The following RTCB variants were observed in gnomAD, a reference collection of about 807,000 sequenced individuals.
The protein encoded by RTCB is RNA-splicing ligase RTCB.
In RTCB, 32 loss-of-function variants were observed where a neutral mutation model predicts 58.2. The observed-to-expected ratio is 0.55, with a 90% CI of 0.41 to 0.74. The LOEUF (loss-of-function observed/expected upper bound fraction) is 0.74. Ranked by LOEUF, RTCB falls within the 30% of genes least tolerant of loss-of-function variation. RTCB has a pLI of 0.00. For missense variants in RTCB, 523 were observed against 639.0 expected (o/e 0.82, Z 1.96); for synonymous variants, 247 against 218.6 (o/e 1.13, Z -1.15).
At chr22:32,403,035 G>A (rs1215002351) in intron 4 of RTCB, among the ~76,000 whole-genome samples, 1 of 151,572 alleles carries the variant, frequency 6.6e-6, no homozygotes, top group South Asian at 2.1e-4. Context: ...ATGAGCCACC[G>A]CATCCAGCCT....
In RTCB at chr22:32,399,686, C is replaced by G. The variant is rs1335962461; in HGVS notation, c.571G>C (p.Glu191Gln). The change falls in exon 6 of 12, where the codon GAG becomes CAG. Residue 191 changes from glutamate (E) to glutamine (Q), a missense_variant. By Grantham distance (29) the Glu-to-Gln change is conservative (BLOSUM62 2). Coordinates refer to ENST00000216038, the MANE Select transcript of RTCB (RefSeq NM_014306.5). ...REGYAWAEDK[E>Q]HCEEYGRMLQ... ...ATCCTTCCGTACTCCTCGCAGTGCT[C>G]CTTGTCTTCAGCCCAGGCATACCCT... 13 of 1,614,012 alleles carry G rather than the reference C, an allele frequency of 8.1e-6. No individual in the cohort carries two copies. Among genetic ancestry groups the G allele is most frequent in the Non-Finnish European group, 1.1e-5 (13 of 1,180,012 alleles).
rs989786824 is a variant in RTCB, at chr22:32,387,744, G to A, written c.*248C>T. ...CTAACAGATTTTCCTAAAACTCTGT[G>A]GAACAACCAAGGAGAAGGCATATTC... On this transcript the variant is annotated 3_prime_UTR_variant, in exon 12 of 12. Coordinates refer to ENST00000216038, the MANE Select transcript of RTCB (RefSeq NM_014306.5). The A allele has an allele frequency of 4.8e-6, 2 of 420,866 alleles. No homozygotes were observed. The highest frequency in any genetic ancestry group is 4.2e-5 in the East Asian group (1 of 23,548). The allele number at this position is 420,866 out of a possible 1,614,324, so 26.1% of individuals were successfully genotyped here. A position where few individuals can be genotyped will look rare whatever the true frequency, so the allele number is the denominator to read the frequency against.
chr22:32,397,823 T>A (rs1933270970), intron 7 of RTCB, 118 bp downstream of exon 7: 2 of 868,568 alleles, frequency 2.3e-6, no homozygotes, highest in African/African-American at 3.4e-5. Flanking sequence ...TTGTCCAAGT[T>A]ATTTAATTGT....
intron 7 of RTCB, 111 bp downstream of exon 7, chr22:32,397,830 T>C (rs531232451): frequency 1.3e-5 from 12 of 947,090 alleles, no homozygotes; most frequent in South Asian, 2.2e-5. Context: ...AGTTATTTAA[T>C]TGTTGAGGAC....
chr22:32,391,483 C>T (rs933214365), intron 11 of RTCB, among the ~76,000 whole-genome samples: 1 of 151,016 alleles, frequency 6.6e-6, no homozygotes, highest in Non-Finnish European at 1.5e-5. Flanking sequence ...GCAACCTCTG[C>T]CTCCCGGATT....
chr22:32,407,966 A>C (rs2076042), intron 3 of RTCB: 195,545 of 570,880 alleles, frequency 0.34, 34,525 homozygotes, highest in South Asian at 0.37. Flanking sequence ...TGTTGCCCAG[A>C]CTAGTCTTGA....
At chr22:32,393,427 G>A (rs182386939) in intron 10 of RTCB, among the ~76,000 whole-genome samples, 1 of 152,156 alleles carries the variant, frequency 6.6e-6, no homozygotes, top group Non-Finnish European at 1.5e-5. Context: ...GCAGTGTTTT[G>A]AAATGGGTGT....
Position 32,393,953 on chromosome 22 carries a change from T to C in RTCB, c.1229A>G (p.Tyr410Cys). The change falls in exon 10 of 12, where the codon TAT becomes TGT. Residue 410 changes from tyrosine (Y) to cysteine (C), a missense_variant. Tyr to Cys is a radical substitution (Grantham distance 194). Around this residue, in one of 3 missense-constraint regions of RTCB, gnomAD observed 248 missense variants for 292.5 expected, o/e 0.85. Transcript: ENST00000216038. ...LIGGTMGTCS[Y>C]VLTGTEQGMT... ...GCCCTGTTCAGTGCCAGTAAGAACA[T>C]AACTACAGGTTCCCATGGTGCCACC... 1 of 1,614,184 alleles carries C rather than the reference T, an allele frequency of 6.2e-7. No individual in the cohort carries two copies. The highest frequency in any genetic ancestry group is 1.7e-5 in the Admixed American group (1 of 60,006).
intron 4 of RTCB, among the ~76,000 whole-genome samples, chr22:32,405,814 A>G (rs895098708): frequency 5.3e-5 from 8 of 152,216 alleles, no homozygotes; most frequent in Non-Finnish European, 5.9e-5. Flanking sequence ...TTTAAACTTC[A>G]TTTCTAAATT....
At chr22:32,392,530 T>C (rs1456846710) in intron 10 of RTCB, 171 bp from the exon 11 acceptor site, 2 of 878,330 alleles carry the variant, frequency 2.3e-6, no homozygotes, top group Non-Finnish European at 3.6e-6. Flanking sequence ...ACCGGAGAAT[T>C]CTTTGTTGGG....
chr22:32,390,211 C>T (rs1314170157), intron 11 of RTCB, among the ~76,000 whole-genome samples: 1 of 152,172 alleles, frequency 6.6e-6, no homozygotes, highest in Non-Finnish European at 1.5e-5. Flanking sequence ...ATTTGGAAAG[C>T]TCCACAACGA....
In RTCB at chr22:32,393,934, T is replaced by C. The variant is rs760170995; in HGVS notation, c.1248A>G (p.Glu416=). Residue 416 remains glutamate (E), a synonymous_variant, in exon 10 of 12, where the codon GAA becomes GAG. Transcript: ENST00000216038. ...GTCSYVLTGT[E]QGMTETFGTT... ...TTCCAAAGGTCTCAGTCATGCCCTG[T>C]TCAGTGCCAGTAAGAACATAACTAC... is the stretch of plus-strand genomic sequence containing the variant. 14 of 1,614,168 alleles carry C rather than the reference T, an allele frequency of 8.7e-6. No homozygotes were observed. Among genetic ancestry groups the C allele is most frequent in the Non-Finnish European group, 1.0e-5 (12 of 1,179,984 alleles).
chr22:32,407,166 A>G (rs1304860027), intron 3 of RTCB: 3 of 178,738 alleles, frequency 1.7e-5, no homozygotes, highest in African/African-American at 4.8e-5. Context: ...TCACAGCCAA[A>G]TGTAATCCAT....
chr22:32,409,647 T>C (rs911719152), intron 1 of RTCB, among the ~76,000 whole-genome samples: 2 of 152,174 alleles, frequency 1.3e-5, no homozygotes, highest in South Asian at 2.1e-4. Context: ...TAATACCCAC[T>C]GATGGAAAAT....
Position 32,387,830 on chromosome 22 carries a change from C to T in RTCB, c.*162G>A, listed in dbSNP as rs375644105. On this transcript the variant is annotated 3_prime_UTR_variant, in exon 12 of 12. Coordinates refer to ENST00000216038, the MANE Select transcript of RTCB (RefSeq NM_014306.5). ...GGAAGGTTATTTTACAAGCACGGGCCCCTGAAAGCAGCAGCCTCCCCATCA... is the reference window on the plus strand; with the variant it reads ...GGAAGGTTATTTTACAAGCACGGGCTCCTGAAAGCAGCAGCCTCCCCATCA... 2.7e-4 allele frequency: 154 copies of T among 562,490 alleles called. 1 individual carries two copies. The highest frequency in any genetic ancestry group is 2.5e-3 in the African/African-American group (134 of 53,616). 34.8% of individuals were successfully genotyped at this position (562,490 alleles called of 1,614,324 possible).
chr22:32,392,896 G>A (rs1184287584), intron 10 of RTCB, among the ~76,000 whole-genome samples: 4 of 152,156 alleles, frequency 2.6e-5, no homozygotes, highest in Admixed American at 6.5e-5. Context: ...GGCAAACTAC[G>A]GTGTATGGGC....
rs549559810 is a variant in RTCB, at chr22:32,404,854, T to TA, written c.340+1807dup. On this transcript the variant is annotated intron_variant, in intron 4 of 11. Coordinates refer to ENST00000216038, the MANE Select transcript of RTCB (RefSeq NM_014306.5). ...GCCCCCATGCCCGGCTAATTTTTTGTATTTTTTTTTTTTTAGAGACGGGGT... is the reference window on the plus strand; with the variant it reads ...GCCCCCATGCCCGGCTAATTTTTTGTAATTTTTTTTTTTTTAGAGACGGGGT... 4.2e-3 allele frequency among the ~76,000 whole-genome samples: 621 copies of TA among 149,346 alleles called. 2 individuals are homozygous for TA. The highest frequency in any genetic ancestry group is 0.015 in the African/African-American group (594 of 39,078).
chr22:32,408,287 T>G (rs773482744), intron 2 of RTCB, 45 bp from the exon 3 acceptor site: 1 of 1,484,800 alleles, frequency 6.7e-7, no homozygotes, highest in African/African-American at 1.4e-5. Flanking sequence ...ACACTTGATT[T>G]TTAGCATGAA....
At chr22:32,410,230 G>C (rs1036035537) in intron 1 of RTCB, among the ~76,000 whole-genome samples, 12 of 152,182 alleles carry the variant, frequency 7.9e-5, no homozygotes, top group African/African-American at 2.7e-4. Flanking sequence ...ACAGTCTAGG[G>C]AGCTGGGAGA....
Sources: gnomAD v4.1 joint callset for allele counts (sites outside exome capture counted in the v4.1 genomes callset) on GRCh38, gnomAD v4.1.1 for gene constraint, gnomAD v4.1.1 regional missense constraint, MANE v1.5 for transcripts, NCBI Gene and HGNC (gene_info 2026-07-23, HGNC 2026-07-21) for gene names.